The following TBK1 variants were observed in gnomAD, a reference collection of about 807,000 sequenced individuals.
TBK1 encodes the protein TANK binding kinase 1.
Under a neutral mutation model 99.9 loss-of-function variants are expected in TBK1, and 37 were observed. That is an observed-to-expected ratio of 0.37 (90% CI 0.28 to 0.49). The LOEUF (loss-of-function observed/expected upper bound fraction) is 0.49. Among genes scored for constraint, TBK1 ranks in the 20% least tolerant of loss-of-function variants. The probability of loss-of-function intolerance (pLI) is 0.98; values close to 1 mark genes in which losing one functional copy is unlikely to be tolerated. For missense variants in TBK1, 644 were observed against 872.5 expected (o/e 0.74, Z 3.30); for synonymous variants, 258 against 279.8 (o/e 0.92, Z 0.78).
At chr12:64,498,893 T>A (rs2040957227) in intron 20 of TBK1, among the ~76,000 whole-genome samples, 1 of 148,680 alleles carries the variant, frequency 6.7e-6, no homozygotes, top group Admixed American at 6.7e-5. Flanking sequence ...GAGATGGAGG[T>A]TGCAGTCAGC....
intron 6 of TBK1, among the ~76,000 whole-genome samples, chr12:64,474,921 C>T (rs2040696727): frequency 6.6e-6 from 1 of 152,146 alleles, no homozygotes; most frequent in African/African-American, 2.4e-5. Context: ...AGTTCCAAGA[C>T]TAGCCTGAGC....
At chr12:64,484,124 G>A (rs1421414552) in intron 8 of TBK1, 179 bp from the exon 9 acceptor site, 2 of 496,912 alleles carry the variant, frequency 4.0e-6, no homozygotes, top group East Asian at 3.2e-5. Context: ...ATTGCTTACT[G>A]TATGGACAGG....
chr12:64,475,299 G>A (rs1345741545), intron 6 of TBK1, among the ~76,000 whole-genome samples: 8 of 151,074 alleles, frequency 5.3e-5, no homozygotes, highest in Non-Finnish European at 5.9e-5. Context: ...GATTCAGAGG[G>A]TATGTGTGAA....
chr12:64,479,321 T>C (rs2136074121), intron 6 of TBK1, among the ~76,000 whole-genome samples: 1 of 152,356 alleles, frequency 6.6e-6, no homozygotes, highest in Non-Finnish European at 1.5e-5. Context: ...AGTTGTCACA[T>C]GAACACACCT....
intron 13 of TBK1, among the ~76,000 whole-genome samples, chr12:64,493,323 C>G (rs2040890213): frequency 6.6e-6 from 1 of 152,150 alleles, no homozygotes. Context: ...TGCAGCAGTG[C>G]TTCTCAGAGT....
At chr12:64,492,517 G>A (rs1243697309) in intron 13 of TBK1, among the ~76,000 whole-genome samples, 1 of 152,020 alleles carries the variant, frequency 6.6e-6, no homozygotes, top group Admixed American at 6.5e-5. Context: ...TGTTGGTCAG[G>A]CTGGTCTGGA....
At chr12:64,455,096 C>A (rs993296244) in intron 1 of TBK1, among the ~76,000 whole-genome samples, 3 of 150,970 alleles carry the variant, frequency 2.0e-5, no homozygotes, top group Admixed American at 2.0e-4. Context: ...AAGTTATTCT[C>A]CTGTTGCAGC....
Position 64,458,122 on chromosome 12 carries a change from T to C in TBK1, c.88-2067T>C, listed in dbSNP as rs112246470. The stretch of plus-strand genomic sequence containing the variant: ...ACACACACACACACACACACACACA[T>C]ACACACACGAAAAAGATTGCCAAGG... On this transcript the variant is annotated intron_variant, in intron 2 of 20. Transcript: ENST00000331710. 3.4e-4 allele frequency among the ~76,000 whole-genome samples: 40 copies of C among 117,436 alleles called. 1 individual carries two copies. In the South Asian group the frequency reaches 7.0e-3, roughly 21 times the overall value. The allele number at this position is 117,436 out of a possible 152,430, so 77.0% of individuals were successfully genotyped here. A position where few individuals can be genotyped will look rare whatever the true frequency, so the allele number is the denominator to read the frequency against.
rs375610142 is a variant in TBK1 at position 64,496,397 on chromosome 12, A to C, written c.1751A>C (p.Lys584Thr). ...RLAYNEEQIHKFDKQKLYYHA... is the reference protein window; with the variant it reads ...RLAYNEEQIHTFDKQKLYYHA... ...GCTTATAATGAAGAACAAATCCACA[A>C]ATTTGATAAGTAAGTATCCAGATTA... Residue 584 changes from lysine to threonine, a missense_variant, in exon 16 of 21, where the codon AAA becomes ACA. Physicochemically the swap from Lys to Thr is moderately conservative, Grantham distance 78. Coordinates refer to ENST00000331710, the MANE Select transcript of TBK1 (RefSeq NM_013254.4). 1 of 1,263,624 alleles carries C rather than the reference A, an allele frequency of 7.9e-7. No homozygotes were observed. The highest frequency in any genetic ancestry group is 1.5e-5 in the African/African-American group (1 of 65,388). The allele number at this position is 1,263,624 out of a possible 1,614,324, so 78.3% of individuals were successfully genotyped here. A position where few individuals can be genotyped will look rare whatever the true frequency, so the allele number is the denominator to read the frequency against.
chr12:64,485,445 C>G lies in TBK1; in HGVS notation c.1190-10C>G. ...TTTTCTTTCTCATTTTATTTTACTT[C>G]ATATTTCAGTTTCCCTCCCTAAAGT... On this transcript the variant is annotated splice_polypyrimidine_tract_variant and intron_variant, in intron 9 of 20. Coordinates refer to ENST00000331710, the MANE Select transcript of TBK1 (RefSeq NM_013254.4). 1 of 1,464,736 alleles carries G rather than the reference C, an allele frequency of 6.8e-7. No homozygotes were observed. Among genetic ancestry groups the G allele is most frequent in the Admixed American group, 1.9e-5 (1 of 52,858 alleles). The allele number at this position is 1,464,736 out of a possible 1,614,324, so 90.7% of individuals were successfully genotyped here.
chr12:64,466,838 G>T, intron 4 of TBK1, 63 bp from the exon 5 acceptor site: 1 of 1,285,470 alleles, frequency 7.8e-7, no homozygotes, highest in South Asian at 2.7e-5. Context: ...CAATGAATTT[G>T]AGACATGCAC....
chr12:64,460,935 G>T (rs1404548590), intron 3 of TBK1, among the ~76,000 whole-genome samples: 1 of 151,708 alleles, frequency 6.6e-6, no homozygotes, highest in Non-Finnish European at 1.5e-5. Flanking sequence ...ACAAAAATTT[G>T]CCATGCATGG....
In TBK1 at chr12:64,487,544, T is replaced by C. The variant is rs539024164; in HGVS notation, c.1341-943T>C. On this transcript the variant is annotated intron_variant, in intron 11 of 20. Coordinates refer to ENST00000331710, the MANE Select transcript of TBK1 (RefSeq NM_013254.4). ...TTCCACTAAGAAGCTTCCTTGTTTT[T>C]ACTGGTTTCTGGAAAAATCTCTGTG... Among the ~76,000 whole-genome samples the C allele has an allele frequency of 3.9e-5, 6 of 152,334 alleles. No individual in the cohort carries two copies. In the South Asian group the frequency reaches 8.3e-4, roughly 21 times the overall value.
chr12:64,491,793 A>G (rs1257010051), intron 13 of TBK1, among the ~76,000 whole-genome samples: 1 of 152,220 alleles, frequency 6.6e-6, no homozygotes, highest in African/African-American at 2.4e-5. Flanking sequence ...GATCTCAAAC[A>G]GTGGTTTTCA....
chr12:64,499,523 T>C (rs1166838341), intron 20 of TBK1, among the ~76,000 whole-genome samples: 2 of 152,150 alleles, frequency 1.3e-5, no homozygotes, highest in Non-Finnish European at 2.9e-5. Flanking sequence ...TTTAATATGT[T>C]TGTTCAATTT....
chr12:64,496,292 A>C, intron 15 of TBK1, 75 bp from the exon 16 acceptor site: 1 of 745,118 alleles, frequency 1.3e-6, no homozygotes, highest in Non-Finnish European at 2.0e-6. Flanking sequence ...TGAAGCAATA[A>C]TCTCAAAAGA....
rs115368768 is a variant in TBK1 at position 64,481,641 on chromosome 12, A to G, written c.813-201A>G. Reference sequence around the variant, plus strand: ...CCCCATTTCTAGAAGAAAAAAAGCTATAATTCCTTATTCATTGATGAGTGG... The same window carrying G: ...CCCCATTTCTAGAAGAAAAAAAGCTGTAATTCCTTATTCATTGATGAGTGG... On this transcript the variant is annotated intron_variant, in intron 7 of 20. Coordinates refer to ENST00000331710, the MANE Select transcript of TBK1 (RefSeq NM_013254.4). Among the ~76,000 whole-genome samples, 857 of 152,312 alleles carry G rather than the reference A, an allele frequency of 5.6e-3. 10 individuals are homozygous for G. Among genetic ancestry groups the G allele is most frequent in the African/African-American group, 0.019 (782 of 41,582 alleles).
At chr12:64,463,160 A>G (rs1454423148) in intron 3 of TBK1, among the ~76,000 whole-genome samples, 2 of 151,580 alleles carry the variant, frequency 1.3e-5, no homozygotes, top group East Asian at 3.9e-4. Flanking sequence ...TCACGAGGTC[A>G]GGAGATCGAG....
rs536137953 is a variant in TBK1, at chr12:64,484,198, T to C, written c.993-105T>C. ...GCAAGTTTATATGGACTGGTTATGATATTAGGGATATGAATTAGAAATGGA... is the reference window on the plus strand; with the variant it reads ...GCAAGTTTATATGGACTGGTTATGACATTAGGGATATGAATTAGAAATGGA... On this transcript the variant is annotated intron_variant, in intron 8 of 20. Coordinates refer to ENST00000331710, the MANE Select transcript of TBK1 (RefSeq NM_013254.4). The C allele has an allele frequency of 2.5e-5, 18 of 726,582 alleles. 1 individual carries two copies. The South Asian group carries it at 3.6e-4, about 15-fold the overall frequency. 45.0% of individuals were successfully genotyped at this position (726,582 alleles called of 1,614,324 possible).
Sources: gnomAD v4.1 joint callset for allele counts (sites outside exome capture counted in the v4.1 genomes callset) on GRCh38, gnomAD v4.1.1 for gene constraint, MANE v1.5 for transcripts, NCBI Gene and HGNC (gene_info 2026-07-23, HGNC 2026-07-21) for gene names.